ARHGAP21: variants seen among roughly 807,000 people sequenced by gnomAD.
ARHGAP21 encodes Rho GTPase activating protein 21, also known as rho GTPase-activating protein 21.
A neutral mutation model predicts 164.6 loss-of-function variants in ARHGAP21; 38 were observed. The observed-to-expected ratio is 0.23, with a 90% CI of 0.18 to 0.30. ARHGAP21 has a LOEUF of 0.30. Among genes scored for constraint, ARHGAP21 ranks in the 10% least tolerant of loss-of-function variants. The probability of loss-of-function intolerance (pLI) is 1.00; values close to 1 mark genes in which losing one functional copy is unlikely to be tolerated. For missense variants in ARHGAP21, 1,822 were observed against 2,370.7 expected, an observed-to-expected ratio of 0.77 and a Z score of 4.81; for synonymous variants, 766 against 857.9, an observed-to-expected ratio of 0.89 and a Z score of 1.87.
intron 2 of ARHGAP21, among the ~76,000 whole-genome samples, chr10:24,700,265 G>T (rs555271420): frequency 1.3e-5 from 2 of 152,264 alleles, no homozygotes; most frequent in African/African-American, 4.8e-5. Flanking sequence ...CACCAGCAAG[G>T]TTTCCCTGTG....
chr10:24,722,491 T>C (rs1180370157), intron 1 of ARHGAP21: 1 of 154,992 alleles, frequency 6.5e-6, no homozygotes, highest in Non-Finnish European at 1.4e-5. Context: ...CACACCTGGC[T>C]GTTATGCAGC....
intron 7 of ARHGAP21, chr10:24,629,639 G>GA (rs958856598): frequency 0.013 from 2,433 of 189,858 alleles, no homozygotes; most frequent in South Asian, 0.033. Flanking sequence ...TAGTGAGAAG[G>GA]AAAAAAAAAA....
intron 2 of ARHGAP21, among the ~76,000 whole-genome samples, chr10:24,703,534 T>C (rs1255939664): frequency 1.3e-5 from 2 of 152,196 alleles, no homozygotes; most frequent in African/African-American, 4.8e-5. Context: ...AATTCAGTTC[T>C]TGGGCACTAA....
chr10:24,597,819 G>A, intron 15 of ARHGAP21, 126 bp downstream of exon 15: 2 of 1,141,858 alleles, frequency 1.8e-6, no homozygotes, highest in South Asian at 3.0e-5. Flanking sequence ...ATAGCGTAGA[G>A]AGGATTTGGT....
rs190120493 is a variant in ARHGAP21 at position 24,594,450 on chromosome 10, G to C, written c.3876+500C>G. On this transcript the variant is annotated intron_variant, in intron 21 of 25. Transcript: ENST00000396432. ...AGCCCAGAAGTTTGAGACTAGCCTG[G>C]GCAACATGGTGAGACCCTGTCTCTA... is the stretch of plus-strand genomic sequence containing the variant. 2.1e-4 allele frequency among the ~76,000 whole-genome samples: 32 copies of C among 152,044 alleles called. 1 individual carries two copies. Among genetic ancestry groups the C allele is most frequent in the Admixed American group, 6.5e-5 (1 of 15,282 alleles).
At chr10:24,668,230 G>A (rs371113461) in intron 3 of ARHGAP21, among the ~76,000 whole-genome samples, 85 of 152,252 alleles carry the variant, frequency 5.6e-4, no homozygotes, top group African/African-American at 2.0e-3. Flanking sequence ...AGCATGTCCT[G>A]GAATAGCATC....
intron 2 of ARHGAP21, among the ~76,000 whole-genome samples, chr10:24,711,180 AAGAG>A (rs1233935975): frequency 1.3e-5 from 2 of 151,502 alleles, no homozygotes; most frequent in African/African-American, 4.8e-5. Flanking sequence ...GAAAGAGAGA[AAGAG>A]AGAAAGAAGT....
At chr10:24,608,412 A>G (rs1006829556) in intron 9 of ARHGAP21, among the ~76,000 whole-genome samples, 24 of 152,202 alleles carry the variant, frequency 1.6e-4, no homozygotes, top group Non-Finnish European at 2.8e-4. Flanking sequence ...AGCTTCCAAA[A>G]TAAGTTTCCA....
intron 2 of ARHGAP21, among the ~76,000 whole-genome samples, chr10:24,713,533 C>T (rs1254846596): frequency 6.6e-6 from 1 of 152,082 alleles, no homozygotes; most frequent in Non-Finnish European, 1.5e-5. Context: ...GGTTCTCAAT[C>T]TATTCTTTTA....
intron 4 of ARHGAP21, among the ~76,000 whole-genome samples, chr10:24,646,481 T>C (rs1036817405): frequency 3.9e-5 from 6 of 151,908 alleles, no homozygotes; most frequent in African/African-American, 1.5e-4. Flanking sequence ...CTACAAAAAA[T>C]ACAAAAATCA....
chr10:24,643,804 C>T (rs1438582190), intron 4 of ARHGAP21, among the ~76,000 whole-genome samples: 2 of 152,206 alleles, frequency 1.3e-5, no homozygotes, highest in Admixed American at 1.3e-4. Flanking sequence ...CTTGACACTA[C>T]TCAGAAAAGT....
intron 2 of ARHGAP21, among the ~76,000 whole-genome samples, chr10:24,705,706 C>T (rs1003721062): frequency 6.6e-6 from 1 of 152,146 alleles, no homozygotes; most frequent in Non-Finnish European, 1.5e-5. Flanking sequence ...TATTAAATAA[C>T]TTGTTTTTAG....
intron 2 of ARHGAP21, among the ~76,000 whole-genome samples, chr10:24,696,647 A>G (rs1016772109): frequency 6.6e-6 from 1 of 152,108 alleles, no homozygotes; most frequent in African/African-American, 2.4e-5. Flanking sequence ...GCTCAAATAT[A>G]CTACTGGGAT....
intron 2 of ARHGAP21, among the ~76,000 whole-genome samples, chr10:24,702,281 C>T (rs1211701188): frequency 6.6e-6 from 1 of 151,896 alleles, no homozygotes; most frequent in Non-Finnish European, 1.5e-5. Flanking sequence ...CAGGCACCCG[C>T]CATCACGCCT....
At chr10:24,659,701 G>A (rs1839476238) in intron 4 of ARHGAP21, among the ~76,000 whole-genome samples, 1 of 152,126 alleles carries the variant, frequency 6.6e-6, no homozygotes, top group Non-Finnish European at 1.5e-5. Context: ...TAGAGATCTT[G>A]CTATGTTACC....
intron 2 of ARHGAP21, among the ~76,000 whole-genome samples, chr10:24,705,382 T>G (rs1450290642): frequency 6.6e-6 from 1 of 152,190 alleles, no homozygotes; most frequent in East Asian, 1.9e-4. Context: ...AATCTTACGG[T>G]GAAACAAACA....
chr10:24,697,661 A>G (rs1843287738), intron 2 of ARHGAP21, among the ~76,000 whole-genome samples: 1 of 152,122 alleles, frequency 6.6e-6, no homozygotes, highest in African/African-American at 2.4e-5. Flanking sequence ...GTTCGAGACC[A>G]GCCTGGCCAA....
At chr10:24,589,614 A>T (rs2076250685) in intron 24 of ARHGAP21, 1 of 299,292 alleles carries the variant, frequency 3.3e-6, no homozygotes, top group African/African-American at 2.2e-5. Flanking sequence ...AGCAATAAAG[A>T]AGCTTCAGGA....
chr10:24,718,532 G>A (rs930344088), intron 2 of ARHGAP21, among the ~76,000 whole-genome samples: 7 of 152,168 alleles, frequency 4.6e-5, no homozygotes, highest in African/African-American at 1.7e-4. Context: ...GAGGCAGATA[G>A]AGAGGGAGAT....
Sources: gnomAD v4.1 joint callset for allele counts (sites outside exome capture counted in the v4.1 genomes callset) on GRCh38, gnomAD v4.1.1 for gene constraint, MANE v1.5 for transcripts, NCBI Gene and HGNC (gene_info 2026-07-23, HGNC 2026-07-21) for gene names.